Variants in ELMO1 observed in about 807,000 individuals in gnomAD.
ELMO1 encodes engulfment and cell motility protein 1.
Under a neutral mutation model 98.9 loss-of-function variants are expected in ELMO1, and 26 were observed. The ratio of observed to expected loss-of-function variants is 0.26; its 90% CI spans 0.19 to 0.36. The LOEUF (loss-of-function observed/expected upper bound fraction) is 0.36. ELMO1 is among the 10% of genes least tolerant of loss of function. The probability of loss-of-function intolerance (pLI) is 1.00; values close to 1 mark genes in which losing one functional copy is unlikely to be tolerated. For synonymous variants in ELMO1, 346 were observed against 346.0 expected (o/e 1.00, Z 0.00); for missense variants, 627 against 935.2 (o/e 0.67, Z 4.30).
At chr7:37,116,966 A>C in intron 14 of ELMO1, 1 of 212,784 alleles carries the variant, frequency 4.7e-6, no homozygotes, top group Non-Finnish European at 1.0e-5. Flanking sequence ...ATATTTGGAG[A>C]GGCCCAGTGA....
At chr7:37,270,920 C>A (rs1432224077) in intron 5 of ELMO1, 2 of 151,760 alleles carry the variant, frequency 1.3e-5, no homozygotes, top group African/African-American at 4.9e-5. Flanking sequence ...CACACACACA[C>A]ACACACTGAC....
chr7:37,320,448 C>T (rs895637836), intron 2 of ELMO1, among the ~76,000 whole-genome samples: 5 of 152,156 alleles, frequency 3.3e-5, no homozygotes, highest in Non-Finnish European at 5.9e-5. Flanking sequence ...CACTTTCGCT[C>T]ATGCCATTTG....
intron 16 of ELMO1, among the ~76,000 whole-genome samples, chr7:36,947,090 C>T (rs34193060): frequency 0.014 from 2,177 of 152,234 alleles, 22 homozygotes; most frequent in Non-Finnish European, 0.025. Context: ...GAGCACAGTA[C>T]CCAATAGGTA....
chr7:37,083,933 GC>G (rs554193249), intron 15 of ELMO1, among the ~76,000 whole-genome samples: 97 of 152,344 alleles, frequency 6.4e-4, no homozygotes, highest in African/African-American at 2.2e-3. Flanking sequence ...TGAACTCTGT[GC>G]TGGTTAAAGT....
At chr7:37,049,987 T>A (rs1303324306) in intron 15 of ELMO1, among the ~76,000 whole-genome samples, 1 of 151,894 alleles carries the variant, frequency 6.6e-6, no homozygotes, top group Non-Finnish European at 1.5e-5. Flanking sequence ...TCCATGTTGG[T>A]CAGGCTGGTC....
chr7:37,412,942 G>T (rs1295481460), intron 1 of ELMO1, among the ~76,000 whole-genome samples: 1 of 152,092 alleles, frequency 6.6e-6, no homozygotes, highest in Non-Finnish European at 1.5e-5. Flanking sequence ...TGCAGCCCCA[G>T]CTGACATCTG....
At chr7:37,237,594 T>A (rs747129237) in intron 7 of ELMO1, among the ~76,000 whole-genome samples, 2 of 152,102 alleles carry the variant, frequency 1.3e-5, no homozygotes, top group Non-Finnish European at 2.9e-5. Context: ...CCGGCCCCAA[T>A]ACAGAATTTG....
Position 36,897,327 on chromosome 7 carries a change from T to TAC in ELMO1, c.1438-2311_1438-2310insGT, listed in dbSNP as rs1421341324. Among the ~76,000 whole-genome samples the TAC allele has an allele frequency of 1.4e-4, 19 of 135,346 alleles. No homozygotes were observed. In the East Asian group the frequency reaches 2.8e-3, roughly 20 times the overall value. 88.8% of individuals were successfully genotyped at this position (135,346 alleles called of 152,430 possible). A position where few individuals can be genotyped will look rare whatever the true frequency, so the allele number is the denominator to read the frequency against. ...AGTAGTAGGACAAAGAAAACAGACG[T>TAC]GTGTGTGTGTGTGTGTGTGTGTGAA... On this transcript the variant is annotated intron_variant, in intron 16 of 21. Transcript: ENST00000310758.
chr7:37,093,406 T>C (rs1161458002), intron 15 of ELMO1, among the ~76,000 whole-genome samples: 1 of 152,218 alleles, frequency 6.6e-6, no homozygotes, highest in Non-Finnish European at 1.5e-5. Context: ...TTTAATTGAG[T>C]ACTTCTTTGG....
At chr7:37,337,824 G>T (rs996233517) in intron 2 of ELMO1, among the ~76,000 whole-genome samples, 2 of 152,100 alleles carry the variant, frequency 1.3e-5, no homozygotes, top group African/African-American at 4.8e-5. Context: ...GTTTATGCAG[G>T]GAACAGAAAA....
chr7:37,389,085 T>C (rs960077828), intron 1 of ELMO1, among the ~76,000 whole-genome samples: 7 of 152,246 alleles, frequency 4.6e-5, no homozygotes, highest in Non-Finnish European at 4.4e-5. Flanking sequence ...GGCTTTCTTT[T>C]TTAAACTTTA....
chr7:37,203,960 C>A (rs1396526435), intron 13 of ELMO1: 5 of 424,352 alleles, frequency 1.2e-5, no homozygotes, highest in Non-Finnish European at 1.9e-5. Flanking sequence ...GTTAGAGAGC[C>A]CTTTCCCAGA....
At chr7:37,179,204 A>G (rs1217672865) in intron 13 of ELMO1, among the ~76,000 whole-genome samples, 1 of 152,184 alleles carries the variant, frequency 6.6e-6, no homozygotes, top group East Asian at 1.9e-4. Flanking sequence ...CTTAGAGGGA[A>G]CAGACTGGCG....
At chr7:37,192,974 T>C (rs1337678963) in intron 13 of ELMO1, among the ~76,000 whole-genome samples, 1 of 16,016 alleles carries the variant, frequency 6.2e-5, no homozygotes, top group Non-Finnish European at 1.8e-4. Flanking sequence ...ATAGGAGATA[T>C]ATATATATAT....
chr7:37,257,450 C>T (rs968036067), intron 6 of ELMO1, among the ~76,000 whole-genome samples: 3 of 151,344 alleles, frequency 2.0e-5, no homozygotes, highest in Non-Finnish European at 4.4e-5. Flanking sequence ...TTAGGCCAGG[C>T]ACGGTGGCTC....
chr7:37,171,481 CTATTTTTTTT>C (rs1030898500), intron 13 of ELMO1, among the ~76,000 whole-genome samples: 5 of 44,268 alleles, frequency 1.1e-4, no homozygotes, highest in East Asian at 6.7e-4. Flanking sequence ...CCAGGCCTTT[CTATTTTTTTT>C]TTTTTTTTTT....
At chr7:37,010,673 G>A (rs567698610) in intron 16 of ELMO1, among the ~76,000 whole-genome samples, 16 of 152,308 alleles carry the variant, frequency 1.1e-4, no homozygotes, top group Admixed American at 4.6e-4. Flanking sequence ...CTCTGCTGCC[G>A]CCTTGATTTT....
At chr7:37,310,319 C>T (rs993197896) in intron 4 of ELMO1, among the ~76,000 whole-genome samples, 1 of 152,214 alleles carries the variant, frequency 6.6e-6, no homozygotes, top group African/African-American at 2.4e-5. Context: ...TCCACAAGCA[C>T]ACAACCTAAC....
intron 13 of ELMO1, among the ~76,000 whole-genome samples, chr7:37,196,194 G>T (rs1239668065): frequency 6.6e-6 from 1 of 152,212 alleles, no homozygotes; most frequent in African/African-American, 2.4e-5. Flanking sequence ...AATGTAAAGA[G>T]CGACTGAGAC....
Sources: gnomAD v4.1 joint callset for allele counts (sites outside exome capture counted in the v4.1 genomes callset) on GRCh38, gnomAD v4.1.1 for gene constraint, MANE v1.5 for transcripts, NCBI Gene and HGNC (gene_info 2026-07-23, HGNC 2026-07-21) for gene names.